Variants in HMCN2 observed in about 807,000 individuals in gnomAD.
The protein encoded by HMCN2 is hemicentin 2, also known as hemicentin-2.
In HMCN2, 325 loss-of-function variants were observed where a neutral mutation model predicts 377.5. That is an observed-to-expected ratio of 0.86 (90% confidence interval 0.79 to 0.94). The LOEUF is 0.94. Among genes scored for constraint, HMCN2 ranks in the 40% least tolerant of loss-of-function variants. The pLI, the probability that HMCN2 is intolerant of heterozygous loss-of-function variation, is 0.00. For missense variants in HMCN2, 4,543 were observed against 4,725.3 expected, an observed-to-expected ratio of 0.96 and a Z score of 1.13; for synonymous variants, 2,007 against 2,046.8, an observed-to-expected ratio of 0.98 and a Z score of 0.53.
Position 130,393,330 on chromosome 9 carries a change from C to T in HMCN2, c.10234+21C>T, listed in dbSNP as rs571227356. On this transcript the variant is annotated intron_variant, in intron 67 of 97. Transcript: ENST00000683500. This position sits in a 1 kb window ranked among gnomAD's most constrained non-coding sequence, Gnocchi z 5.2. The stretch of plus-strand genomic sequence containing the variant: ...GCAGGGTATGGAGCAGGGGGTGGGG[C>T]AAGGGGGTCTCTGGCCTTGGTGGGT... 1.7e-5 allele frequency: 17 copies of T among 990,372 alleles called. No individual in the cohort carries two copies. In the Admixed American group the frequency reaches 7.6e-4, roughly 44 times the overall value. 61.3% of individuals were successfully genotyped at this position (990,372 alleles called of 1,614,324 possible). A position where few individuals can be genotyped will look rare whatever the true frequency, so the allele number is the denominator to read the frequency against.
chr9:130,300,210 T>C (rs782216677), intron 8 of HMCN2, among the ~76,000 whole-genome samples: 1 of 151,862 alleles, frequency 6.6e-6, no homozygotes, highest in Non-Finnish European at 1.5e-5. Context: ...TACCCACCCA[T>C]TCACTATTAA....
intron 23 of HMCN2, among the ~76,000 whole-genome samples, chr9:130,338,833 G>A (rs1838899946): frequency 6.6e-6 from 1 of 152,166 alleles, no homozygotes; most frequent in East Asian, 1.9e-4. Context: ...TAAAATAATT[G>A]GACAAGCACA....
At chr9:130,420,470 AAAAACAAAAC>A (rs539753745) in intron 86 of HMCN2, among the ~76,000 whole-genome samples, 27 of 152,234 alleles carry the variant, frequency 1.8e-4, no homozygotes, top group South Asian at 4.1e-4. Context: ...CTACTGGTAA[AAAAACAAAAC>A]AAAACAAAAC....
chr9:130,430,357 C>T lies in HMCN2; in HGVS notation c.14400C>T (p.Cys4800=). The T allele has an allele frequency of 6.5e-7, 1 of 1,549,300 alleles. No homozygotes were observed. The highest frequency in any genetic ancestry group is 1.2e-5 in the South Asian group (1 of 84,062). ...QCHNLQGSYR[C]LCPPGQTLLR... ...ACAACCTCCAGGGCAGCTACCGCTGCCTGTGCCCCCCAGGCCAGACCCTCC... is the reference window on the plus strand; with the variant it reads ...ACAACCTCCAGGGCAGCTACCGCTGTCTGTGCCCCCCAGGCCAGACCCTCC... The change falls in exon 95 of 98, where the codon TGC becomes TGT. Residue 4800 remains cysteine (C), a synonymous_variant. Transcript: ENST00000683500.
chr9:130,340,535 T>TC (rs1554947408), intron 23 of HMCN2, among the ~76,000 whole-genome samples: 33 of 149,858 alleles, frequency 2.2e-4, no homozygotes, highest in Non-Finnish European at 3.3e-4. Context: ...TTTTTTTTTT[T>TC]CTTAGACGGA....
Position 130,432,537 on chromosome 9 carries a change from G to C in HMCN2, c.14876G>C (p.Arg4959Pro). ...GACACACCCTGTCCTGCCACCTACCGGCAGGGCCCCAGCCCTGGGTAAGGG... is the reference window on the plus strand; with the variant it reads ...GACACACCCTGTCCTGCCACCTACCCGCAGGGCCCCAGCCCTGGGTAAGGG... The part of the protein sequence containing the change: ...CVDTPCPATY[R>P]QGPSPGTCFR... The change falls in exon 97 of 98, where the codon CGG becomes CCG. Residue 4959 changes from arginine to proline, a missense_variant. Transcript: ENST00000683500. The C allele has an allele frequency of 1.3e-6, 2 of 1,550,538 alleles. No individual in the cohort carries two copies. Among genetic ancestry groups the C allele is most frequent in the Non-Finnish European group, 1.7e-6 (2 of 1,147,010 alleles).
At position 130,296,718 on chromosome 9, in the gene HMCN2, C is replaced by T. The variant is rs2131318274; in HGVS notation, c.936C>T (p.Ser312=). 1 of 471,162 alleles carries T rather than the reference C, an allele frequency of 2.1e-6. No homozygotes were observed. The highest frequency in any genetic ancestry group is 6.9e-5 in the East Asian group (1 of 14,394). 29.2% of individuals were successfully genotyped at this position (471,162 alleles called of 1,614,324 possible). The change falls in exon 7 of 98, where the codon AGC becomes AGT. Residue 312 remains serine (S), a synonymous_variant. Transcript: ENST00000683500. ...ATTCAGTGAGGATCACAGGCGTCAGCAACATTGACTTCCGAGCCGGCTTCT... is the reference window on the plus strand; with the variant it reads ...ATTCAGTGAGGATCACAGGCGTCAGTAACATTGACTTCCGAGCCGGCTTCT... ...GRHSVRITGV[S]NIDFRAGFST...
rs759341818 is a variant in HMCN2, at chr9:130,354,985, G to A, written c.5087G>A (p.Ser1696Asn). 3.9e-6 allele frequency: 5 copies of A among 1,298,650 alleles called. No individual in the cohort carries two copies. The highest frequency in any genetic ancestry group is 5.1e-6 in the Non-Finnish European group (5 of 988,800). 80.4% of individuals were successfully genotyped at this position (1,298,650 alleles called of 1,614,324 possible). The change falls in exon 32 of 98, where the codon AGC (serine) becomes AAC (asparagine). Residue 1696 changes from serine (S) to asparagine (N), a missense_variant. Physicochemically the swap from Ser to Asn is conservative, Grantham distance 46 (BLOSUM62 1). Coordinates refer to ENST00000683500, the MANE Select transcript of HMCN2 (RefSeq NM_001291815.2). ...SPGEASSGLY[S>N]CVASSPAGEA... ...GGGGAGGCATCCAGTGGCCTGTACA[G>A]CTGTGTGGCCAGCAGTCCTGCCGGG...
intron 4 of HMCN2, among the ~76,000 whole-genome samples, chr9:130,293,989 G>A (rs1424403210): frequency 1.3e-5 from 2 of 152,146 alleles, no homozygotes; most frequent in Admixed American, 6.5e-5. Flanking sequence ...GGCTGCCTGC[G>A]GGAGGGGTGG....
rs1230759861 is a variant in HMCN2, at chr9:130,295,795, GA to G, written c.891+26del. The stretch of plus-strand genomic sequence containing the variant: ...AAGGTAGGGGCACTGGGTTGCAGGA[GA>G]AAGGTCGACTAGCTTTACTGGGCTG... On this transcript the variant is annotated intron_variant, in intron 6 of 97. Coordinates refer to ENST00000683500, the MANE Select transcript of HMCN2 (RefSeq NM_001291815.2). The G allele has an allele frequency of 7.7e-5, 36 of 469,974 alleles. 1 individual carries two copies. The highest frequency in any genetic ancestry group is 7.3e-4 in the Admixed American group (31 of 42,436). The allele number at this position is 469,974 out of a possible 1,614,324, so 29.1% of individuals were successfully genotyped here. A position where few individuals can be genotyped will look rare whatever the true frequency, so the allele number is the denominator to read the frequency against.
In HMCN2 at chr9:130,293,279, G is replaced by GTTTTTTTTTTTTTTTTTTTTTTTTTTTT. The variant is rs71387339; in HGVS notation, c.613-1555_613-1554insTTTTTTTTTTTTTTTTTTTTTTTTTTTT. ...TTCCAAATAAAATCTACTCACTAAAGTTTTTTTTTTTTTTTTTTTTTGCGG... is the reference window on the plus strand; with the variant it reads ...TTCCAAATAAAATCTACTCACTAAAGTTTTTTTTTTTTTTTTTTTTTTTTTTTTTTTTTTTTTTTTTTTTTTTTTGCGG... On this transcript the variant is annotated intron_variant, in intron 4 of 97. Coordinates refer to ENST00000683500, the MANE Select transcript of HMCN2 (RefSeq NM_001291815.2). 6.3e-4 allele frequency among the ~76,000 whole-genome samples: 36 copies of GTTTTTTTTTTTTTTTTTTTTTTTTTTTT among 57,122 alleles called. 8 individuals are homozygous for GTTTTTTTTTTTTTTTTTTTTTTTTTTTT. Among genetic ancestry groups the GTTTTTTTTTTTTTTTTTTTTTTTTTTTT allele is most frequent in the African/African-American group, 1.9e-3 (17 of 8,886 alleles). The allele number at this position is 57,122 out of a possible 152,430, so 37.5% of individuals were successfully genotyped here.
In HMCN2 at chr9:130,274,739, C is replaced by T. The variant is rs75444582; in HGVS notation, c.259+8602C>T. ...ATACCTACGTTAAAAAATTATAGTA[C>T]GTAAAGCATTTTACAACTTGCTTTC... On this transcript the variant is annotated intron_variant, in intron 1 of 97. Transcript: ENST00000683500. Among the ~76,000 whole-genome samples the T allele has an allele frequency of 3.3e-5, 5 of 152,246 alleles. No homozygotes were observed. In the East Asian group the frequency reaches 7.7e-4, roughly 23 times the overall value.
Position 130,369,490 on chromosome 9 carries a change from C to G in HMCN2, c.6788-80C>G, listed in dbSNP as rs924399062. On this transcript the variant is annotated intron_variant, in intron 44 of 97. Coordinates refer to ENST00000683500, the MANE Select transcript of HMCN2 (RefSeq NM_001291815.2). This position sits in a 1 kb window ranked among gnomAD's most constrained non-coding sequence, Gnocchi z 4.5. ...CGATGGCAAGGGGAGAGGGTGTGTCCCTATTGGGCCCGGGGTAAGTGTGTG... is the reference window on the plus strand; with the variant it reads ...CGATGGCAAGGGGAGAGGGTGTGTCGCTATTGGGCCCGGGGTAAGTGTGTG... 8.6e-6 allele frequency: 7 copies of G among 812,450 alleles called. No individual in the cohort carries two copies. The highest frequency in any genetic ancestry group is 1.0e-5 in the Non-Finnish European group (7 of 671,776). 50.3% of individuals were successfully genotyped at this position (812,450 alleles called of 1,614,324 possible). A position where few individuals can be genotyped will look rare whatever the true frequency, so the allele number is the denominator to read the frequency against.
chr9:130,285,111 A>G (rs1367611303), intron 2 of HMCN2, 47 bp from the exon 3 acceptor site: 1 of 467,294 alleles, frequency 2.1e-6, no homozygotes, highest in South Asian at 1.6e-5. Flanking sequence ...GGTGGGTCCC[A>G]TCTGGAGGAG....
Position 130,304,137 on chromosome 9 carries a change from A to G in HMCN2, c.1543+529A>G, listed in dbSNP as rs1161978424. Among the ~76,000 whole-genome samples the G allele has an allele frequency of 6.6e-6, 1 of 152,256 alleles. No individual in the cohort carries two copies. The highest frequency in any genetic ancestry group is 1.5e-5 in the Non-Finnish European group (1 of 68,054). On this transcript the variant is annotated intron_variant, in intron 10 of 97. Transcript: ENST00000683500. The surrounding 1 kb of genome is among the most constrained non-coding windows in gnomAD (Gnocchi z 4.3). ...TGCTCTTTGTAGGAAAGCTGGAAAA[A>G]TATAAACAACCCAAGAGAAGATCAA... is the stretch of plus-strand genomic sequence containing the variant.
intron 22 of HMCN2, among the ~76,000 whole-genome samples, chr9:130,333,071 A>G (rs983766116): frequency 4.6e-5 from 7 of 152,120 alleles, no homozygotes; most frequent in Non-Finnish European, 7.4e-5. Context: ...AAGGCGGTGA[A>G]GGGAGTGTGT....
At position 130,400,764 on chromosome 9, in the gene HMCN2, G is replaced by A. The variant is rs1054515392; in HGVS notation, c.11606-19G>A. 2 of 1,277,526 alleles carry A rather than the reference G, an allele frequency of 1.6e-6. No individual in the cohort carries two copies. The highest frequency in any genetic ancestry group is 2.0e-6 in the Non-Finnish European group (2 of 982,286). 79.1% of individuals were successfully genotyped at this position (1,277,526 alleles called of 1,614,324 possible). On this transcript the variant is annotated intron_variant, in intron 76 of 97. Coordinates refer to ENST00000683500, the MANE Select transcript of HMCN2 (RefSeq NM_001291815.2). ...CCTGTGCCCGCCGGCAGGGCCTCAA[G>A]CCTTGTCTTGGGTTTTAGTGCCTCC... is the stretch of plus-strand genomic sequence containing the variant.
At chr9:130,309,818 C>T in intron 14 of HMCN2, 94 bp from the exon 15 acceptor site, 1 of 350,564 alleles carries the variant, frequency 2.9e-6, no homozygotes, top group Non-Finnish European at 5.9e-6. Context: ...CAACCTTGTG[C>T]AGCCGCAGGA....
Position 130,310,061 on chromosome 9 carries a change from C to T in HMCN2, c.2350C>T (p.His784Tyr), listed in dbSNP as rs564316104. 9 of 530,870 alleles carry T rather than the reference C, an allele frequency of 1.7e-5. No individual in the cohort carries two copies. Among genetic ancestry groups the T allele is most frequent in the East Asian group, 1.6e-4 (3 of 18,244 alleles). 32.9% of individuals were successfully genotyped at this position (530,870 alleles called of 1,614,324 possible). A position where few individuals can be genotyped will look rare whatever the true frequency, so the allele number is the denominator to read the frequency against. ...TGCAGAAATCCAGCTGGCGGTTGGA[C>T]GTGAGTGTATACCTTGTCTCCCCCT... ...ASAEIQLAVG[H>Y]APQLTELPRD... The change falls in exon 15 of 98, where the codon CAT becomes TAT. Residue 784 changes from histidine to tyrosine, a missense_variant and splice_region_variant. His to Tyr is a moderately conservative substitution (Grantham distance 83). Coordinates refer to ENST00000683500, the MANE Select transcript of HMCN2 (RefSeq NM_001291815.2).
Sources: allele counts gnomAD v4.1 joint callset (sites outside exome capture counted in the v4.1 genomes callset), GRCh38; gene constraint gnomAD v4.1.1; non-coding constraint Gnocchi (gnomAD v3.1); transcripts MANE v1.5; gene names NCBI Gene and HGNC (gene_info 2026-07-23, HGNC 2026-07-21).